The following EPB41L4A variants were observed in gnomAD, a reference collection of about 807,000 sequenced individuals.
The protein encoded by EPB41L4A is band 4.1-like protein 4A.
EPB41L4A carries 100 observed loss-of-function variants against 108.6 expected under a neutral mutation model. The ratio of observed to expected loss-of-function variants is 0.92; its 90% CI spans 0.78 to 1.09. EPB41L4A has a LOEUF of 1.09. Ranked by LOEUF, EPB41L4A falls within the 50% of genes least tolerant of loss-of-function variation. The pLI is 0.00. For missense variants in EPB41L4A, 1,030 were observed against 842.7 expected, an observed-to-expected ratio of 1.22 and a Z score of -2.75; for synonymous variants, 319 against 289.0, an observed-to-expected ratio of 1.10 and a Z score of -1.05.
intron 2 of EPB41L4A, among the ~76,000 whole-genome samples, chr5:112,287,610 C>T (rs1653226535): frequency 6.6e-6 from 1 of 152,172 alleles, no homozygotes; most frequent in South Asian, 2.1e-4. Context: ...AAGTAAAACA[C>T]AAAATCCTTC....
At chr5:112,219,973 G>A (rs1238074061) in intron 12 of EPB41L4A, among the ~76,000 whole-genome samples, 4 of 152,236 alleles carry the variant, frequency 2.6e-5, no homozygotes, top group African/African-American at 9.6e-5. Context: ...TGGGATTACA[G>A]GCATCAGCCA....
rs1282488166 is a variant in EPB41L4A, at chr5:112,209,986, G to C, written c.1088-4C>G. The C allele has an allele frequency of 4.6e-6, 7 of 1,515,122 alleles. No homozygotes were observed. In the East Asian group the frequency reaches 6.9e-5, roughly 15 times the overall value. The allele number at this position is 1,515,122 out of a possible 1,614,324, so 93.9% of individuals were successfully genotyped here. A position where few individuals can be genotyped will look rare whatever the true frequency, so the allele number is the denominator to read the frequency against. ...ATCCTACTGATGCTGTTTGATTCTAGCAGAGGAGGAGAAGGAAAGATGGAA... is the reference window on the plus strand; with the variant it reads ...ATCCTACTGATGCTGTTTGATTCTACCAGAGGAGGAGAAGGAAAGATGGAA... On this transcript the variant is annotated splice_region_variant and splice_polypyrimidine_tract_variant and intron_variant, in intron 12 of 22. Coordinates refer to ENST00000261486, the MANE Select transcript of EPB41L4A (RefSeq NM_022140.5).
chr5:112,362,587 C>T (rs1381399891), intron 1 of EPB41L4A, among the ~76,000 whole-genome samples: 1 of 152,150 alleles, frequency 6.6e-6, no homozygotes, highest in Non-Finnish European at 1.5e-5. Context: ...AGACTTAGAA[C>T]ATTAATTTTA....
chr5:112,354,296 G>A (rs1239747996), intron 1 of EPB41L4A, among the ~76,000 whole-genome samples: 1 of 152,140 alleles, frequency 6.6e-6, no homozygotes, highest in Admixed American at 6.5e-5. Context: ...GGTATGACTC[G>A]CCAAAGGCCT....
At chr5:112,251,415 G>C (rs1399666672) in intron 9 of EPB41L4A, among the ~76,000 whole-genome samples, 1 of 152,068 alleles carries the variant, frequency 6.6e-6, no homozygotes. Flanking sequence ...ATAAACTGTG[G>C]TACACACATT....
At chr5:112,312,979 T>C (rs1488499375) in intron 1 of EPB41L4A, among the ~76,000 whole-genome samples, 1 of 152,180 alleles carries the variant, frequency 6.6e-6, no homozygotes. Flanking sequence ...AGTCCTAGGA[T>C]TTATTACAGG....
intron 17 of EPB41L4A, among the ~76,000 whole-genome samples, chr5:112,190,539 G>C (rs1192877006): frequency 6.6e-6 from 1 of 152,194 alleles, no homozygotes; most frequent in Non-Finnish European, 1.5e-5. Context: ...CAAAAGAAAA[G>C]TTGGAAGAGG....
At chr5:112,331,395 A>G (rs530168032) in intron 1 of EPB41L4A, among the ~76,000 whole-genome samples, 1 of 152,290 alleles carries the variant, frequency 6.6e-6, no homozygotes, top group African/African-American at 2.4e-5. Context: ...AAGGCCCCAA[A>G]CTGGAGGTCA....
At chr5:112,265,125 A>G in intron 5 of EPB41L4A, 109 bp from the exon 6 acceptor site, 3 of 968,836 alleles carry the variant, frequency 3.1e-6, no homozygotes, top group South Asian at 2.2e-5. Context: ...TGTCTTACTA[A>G]AATTCACATA....
At chr5:112,198,624 G>A (rs1296617952) in intron 15 of EPB41L4A, among the ~76,000 whole-genome samples, 1 of 151,904 alleles carries the variant, frequency 6.6e-6, no homozygotes, top group Non-Finnish European at 1.5e-5. Flanking sequence ...TGTATTAGTT[G>A]AATGTTTGAT....
chr5:112,357,092 C>G (rs1480057835), intron 1 of EPB41L4A, among the ~76,000 whole-genome samples: 3 of 152,176 alleles, frequency 2.0e-5, no homozygotes, highest in African/African-American at 7.2e-5. Flanking sequence ...ACTACTACCC[C>G]ACTCGGTCTT....
chr5:112,213,705 C>T (rs935732055), intron 12 of EPB41L4A, among the ~76,000 whole-genome samples: 19 of 152,086 alleles, frequency 1.2e-4, no homozygotes, highest in African/African-American at 3.4e-4. Flanking sequence ...CTGTACTCCC[C>T]TACTCTATAA....
intron 2 of EPB41L4A, among the ~76,000 whole-genome samples, chr5:112,281,042 C>G (rs1752933232): frequency 6.6e-6 from 1 of 152,168 alleles, no homozygotes; most frequent in South Asian, 2.1e-4. Context: ...AGAGTCTGTT[C>G]TGACTCTCCC....
upstream of EPB41L4A, chr5:112,419,394 G>A (rs1580876317): frequency 2.5e-5 from 9 of 360,666 alleles, no homozygotes; most frequent in South Asian, 1.9e-4. Context: ...TGGCACTGGG[G>A]GCAAGAGACC....
intron 12 of EPB41L4A, among the ~76,000 whole-genome samples, chr5:112,234,144 C>T (rs549564420): frequency 1.5e-4 from 22 of 147,888 alleles, no homozygotes; most frequent in Admixed American, 7.4e-4. Flanking sequence ...CATAGTGAGA[C>T]CCTATCTCAA....
intron 2 of EPB41L4A, among the ~76,000 whole-genome samples, chr5:112,301,018 A>C (rs188147198): frequency 1.3e-4 from 20 of 152,078 alleles, no homozygotes; most frequent in African/African-American, 4.3e-4. Context: ...TATTTATGCT[A>C]TCTATTTCAC....
chr5:112,167,194 T>C lies in EPB41L4A; in HGVS notation c.1932+1545A>G, dbSNP rs187809151. ...CACAATAACCCTAGGAGGTAGGTTA[T>C]CTACACTGTATAAAAATTGAGGCTT... On this transcript the variant is annotated intron_variant, in intron 22 of 22. Coordinates refer to ENST00000261486, the MANE Select transcript of EPB41L4A (RefSeq NM_022140.5). Among the ~76,000 whole-genome samples, 43 of 150,726 alleles carry C rather than the reference T, an allele frequency of 2.9e-4. 3 individuals carry two copies. In the East Asian group the frequency reaches 6.8e-3, roughly 24 times the overall value.
At chr5:112,381,116 A>G (rs1490546889) in intron 1 of EPB41L4A, among the ~76,000 whole-genome samples, 1 of 152,236 alleles carries the variant, frequency 6.6e-6, no homozygotes, top group East Asian at 1.9e-4. Context: ...ATGCATGAAC[A>G]GTTACACTAA....
chr5:112,347,875 C>G (rs774021573), intron 1 of EPB41L4A, among the ~76,000 whole-genome samples: 1 of 152,180 alleles, frequency 6.6e-6, no homozygotes, highest in Non-Finnish European at 1.5e-5. Context: ...GTCTCGACCC[C>G]TCCAATACAC....
Sources: allele counts gnomAD v4.1 joint callset (sites outside exome capture counted in the v4.1 genomes callset), GRCh38; gene constraint gnomAD v4.1.1; transcripts MANE v1.5; gene names NCBI Gene and HGNC (gene_info 2026-07-23, HGNC 2026-07-21).